Variants in CHD2 observed in about 807,000 individuals in gnomAD.
CHD2 encodes ATP-dependent chromatin remodeler CHD2.
In CHD2, 28 loss-of-function variants were observed where a neutral mutation model predicts 243.9. That is an observed-to-expected ratio of 0.11 (90% CI 0.09 to 0.16). The LOEUF is 0.16. Among genes scored for constraint, CHD2 ranks in the 10% least tolerant of loss-of-function variants. CHD2 has a pLI of 1.00. For missense variants in CHD2, 1,386 were observed against 2,209.8 expected (o/e 0.63, Z 7.47); for synonymous variants, 775 against 779.0 (o/e 0.99, Z 0.09).
At position 92,946,627 on chromosome 15, in the gene CHD2, C is replaced by T. The variant is rs147521096; in HGVS notation, c.1377+411C>T. On this transcript the variant is annotated intron_variant, in intron 12 of 38. Transcript: ENST00000394196. ...TCAGCCTCCTGAGCAGCTGGGATTACAGGCACGCACCACCACTTCCAGCTA... is the reference window on the plus strand; with the variant it reads ...TCAGCCTCCTGAGCAGCTGGGATTATAGGCACGCACCACCACTTCCAGCTA... 443 of 152,964 alleles carry T rather than the reference C, an allele frequency of 2.9e-3. 3 individuals are homozygous for T. Among genetic ancestry groups the T allele is most frequent in the Admixed American group, 4.9e-3 (75 of 15,338 alleles). The allele number at this position is 152,964 out of a possible 1,614,324, so 9.5% of individuals were successfully genotyped here.
At chr15:92,973,489 A>G (rs2053869456) in intron 19 of CHD2, among the ~76,000 whole-genome samples, 1 of 152,174 alleles carries the variant, frequency 6.6e-6, no homozygotes, top group Non-Finnish European at 1.5e-5. Flanking sequence ...TTGGGATTGA[A>G]GAAACTTGGA....
At chr15:93,023,582 T>A (rs1419914114) in intron 38 of CHD2, among the ~76,000 whole-genome samples, 1 of 152,192 alleles carries the variant, frequency 6.6e-6, no homozygotes, top group Admixed American at 6.5e-5. Flanking sequence ...AAAATGTTTC[T>A]ACGATGGCTG....
chr15:92,928,508 T>C (rs1010035717), intron 4 of CHD2, among the ~76,000 whole-genome samples: 1 of 152,180 alleles, frequency 6.6e-6, no homozygotes, highest in Non-Finnish European at 1.5e-5. Context: ...TAAATGAGTC[T>C]AAAATGAATA....
At chr15:92,958,389 T>A (rs2053643216) in intron 16 of CHD2, among the ~76,000 whole-genome samples, 1 of 152,252 alleles carries the variant, frequency 6.6e-6, no homozygotes, top group Non-Finnish European at 1.5e-5. Flanking sequence ...TAGCCATTTG[T>A]ATGTCTTTGG....
chr15:92,913,562 A>G (rs896261886), intron 2 of CHD2, among the ~76,000 whole-genome samples: 1 of 152,196 alleles, frequency 6.6e-6, no homozygotes, highest in Admixed American at 6.5e-5. Flanking sequence ...GGCATCTATA[A>G]TGCCACCACT....
At chr15:92,947,661 C>G (rs543714280) in intron 12 of CHD2, 1 of 152,170 alleles carries the variant, frequency 6.6e-6, no homozygotes, top group East Asian at 1.9e-4. Flanking sequence ...TTGAAGTCCA[C>G]GAATGAAGAA....
chr15:93,004,582 A>G (rs2141876469), intron 33 of CHD2, 35 bp from the exon 34 acceptor site: 1 of 1,585,184 alleles, frequency 6.3e-7, no homozygotes, highest in Middle Eastern at 1.7e-4. Context: ...GGATTGCACA[A>G]ATGACAATGA....
At chr15:92,942,046 T>G in intron 8 of CHD2, 91 bp downstream of exon 8, 1 of 1,226,976 alleles carries the variant, frequency 8.2e-7, no homozygotes, top group Admixed American at 2.2e-5. Flanking sequence ...TGAATTTTAG[T>G]CTACTGCTGT....
chr15:92,977,159 T>A (rs1197319003), intron 20 of CHD2, among the ~76,000 whole-genome samples: 1 of 152,202 alleles, frequency 6.6e-6, no homozygotes, highest in East Asian at 1.9e-4. Context: ...GTCCACTGTT[T>A]ATCTTTAGAC....
chr15:92,958,225 T>C (rs760410587), intron 16 of CHD2, among the ~76,000 whole-genome samples: 14 of 152,236 alleles, frequency 9.2e-5, no homozygotes, highest in Non-Finnish European at 2.1e-4. Flanking sequence ...CTACCAAAAA[T>C]GTTTGAAGGT....
chr15:93,009,453 T>G, intron 35 of CHD2, 130 bp downstream of exon 35: 1 of 855,670 alleles, frequency 1.2e-6, no homozygotes, highest in Non-Finnish European at 1.8e-6. Flanking sequence ...CTATTGGCAA[T>G]ATACCTGCAG....
chr15:92,993,779 C>G (rs1382076608), intron 28 of CHD2, among the ~76,000 whole-genome samples: 1 of 152,016 alleles, frequency 6.6e-6, no homozygotes, highest in Non-Finnish European at 1.5e-5. Flanking sequence ...GACCTTGTCT[C>G]TACAAACAGT....
chr15:92,980,758 A>AGT, intron 22 of CHD2, 57 bp from the exon 23 acceptor site: 1 of 1,219,244 alleles, frequency 8.2e-7, no homozygotes, highest in African/African-American at 1.5e-5. Context: ...GTTATTCTGA[A>AGT]GTAGAACACT....
intron 5 of CHD2, among the ~76,000 whole-genome samples, chr15:92,932,562 C>G (rs570190957): frequency 6.6e-6 from 1 of 151,028 alleles, no homozygotes. Context: ...TCTGTCCTTG[C>G]GATAGTTTGC....
intron 2 of CHD2, among the ~76,000 whole-genome samples, chr15:92,913,007 C>G (rs1482546887): frequency 6.6e-6 from 1 of 152,192 alleles, no homozygotes; most frequent in African/African-American, 2.4e-5. Context: ...AAAGTCTGTT[C>G]CCTCTGAATC....
chr15:93,027,637 A>G lies in CHD2; in HGVS notation c.*2932A>G, dbSNP rs1435232230. 6.5e-6 allele frequency: 1 copy of G among 152,740 alleles called. No homozygotes were observed. Among genetic ancestry groups the G allele is most frequent in the Non-Finnish European group, 1.5e-5 (1 of 68,076 alleles). The allele number at this position is 152,740 out of a possible 1,614,324, so 9.5% of individuals were successfully genotyped here. The stretch of plus-strand genomic sequence containing the variant: ...TCACACAATGACACTGAAATCCTAC[A>G]GACCAAAATCCACTTGTCAGCAGGA... On this transcript the variant is annotated 3_prime_UTR_variant, in exon 39 of 39. Transcript: ENST00000394196.
At chr15:92,994,687 G>C (rs148406241) in intron 28 of CHD2, among the ~76,000 whole-genome samples, 1 of 152,172 alleles carries the variant, frequency 6.6e-6, no homozygotes, top group Admixed American at 6.5e-5. Context: ...GTTACTTCTT[G>C]ATGCTTTTGA....
At chr15:92,916,005 G>T (rs1027288199) in intron 2 of CHD2, among the ~76,000 whole-genome samples, 1 of 133,286 alleles carries the variant, frequency 7.5e-6, no homozygotes, top group African/African-American at 2.8e-5. Context: ...AAATGACTAT[G>T]CCTCTACTCT....
chr15:92,966,546 G>C (rs1359645282), intron 16 of CHD2, among the ~76,000 whole-genome samples: 1 of 152,110 alleles, frequency 6.6e-6, no homozygotes, highest in Non-Finnish European at 1.5e-5. Flanking sequence ...CATATAATCT[G>C]CTTCCCTGTA....
Sources: allele counts gnomAD v4.1 joint callset (sites outside exome capture counted in the v4.1 genomes callset), GRCh38; gene constraint gnomAD v4.1.1; transcripts MANE v1.5; gene names NCBI Gene and HGNC (gene_info 2026-07-23, HGNC 2026-07-21).